Variants in ELP4 observed in about 807,000 individuals in gnomAD.
ELP4 encodes elongator acetyltransferase complex subunit 4.
A neutral mutation model predicts 48.9 loss-of-function variants in ELP4; 51 were observed. That is an observed-to-expected ratio of 1.04 (90% confidence interval 0.83 to 1.32). The LOEUF (loss-of-function observed/expected upper bound fraction) is 1.32, where lower values mean the gene tolerates loss of function less well. ELP4 is among the 40% of genes most tolerant of loss of function. The pLI is 0.00. For synonymous variants in ELP4, 210 were observed against 189.2 expected, an observed-to-expected ratio of 1.11 and a Z score of -0.90; for missense variants, 519 against 514.6, an observed-to-expected ratio of 1.01 and a Z score of -0.08.
At chr11:31,670,208 A>C (rs1490713210) in intron 9 of ELP4, among the ~76,000 whole-genome samples, 2 of 152,164 alleles carry the variant, frequency 1.3e-5, no homozygotes, top group African/African-American at 4.8e-5. Context: ...GTAGTGATTC[A>C]GTATGGATAC....
At chr11:31,687,097 T>A (rs1371970992) in intron 9 of ELP4, among the ~76,000 whole-genome samples, 2 of 152,098 alleles carry the variant, frequency 1.3e-5, no homozygotes, top group African/African-American at 4.8e-5. Context: ...CCCAAATATC[T>A]GATTTGGGTG....
intron 9 of ELP4, among the ~76,000 whole-genome samples, chr11:31,736,036 T>G (rs1465019151): frequency 2.0e-5 from 3 of 152,148 alleles, no homozygotes; most frequent in East Asian, 1.9e-4. Context: ...TAAGCCAAAA[T>G]AGCAAAGCTG....
chr11:31,625,835 T>C (rs530012271), intron 5 of ELP4, among the ~76,000 whole-genome samples: 1 of 151,908 alleles, frequency 6.6e-6, no homozygotes, highest in East Asian at 1.9e-4. Context: ...TGTTAAGATA[T>C]GAAATAGTCA....
At position 31,659,436 on chromosome 11, in the gene ELP4, T is replaced by C. The variant is rs553957595; in HGVS notation, c.1143+9215T>C. Among the ~76,000 whole-genome samples the C allele has an allele frequency of 2.6e-5, 4 of 152,268 alleles. No individual in the cohort carries two copies. The East Asian group carries it at 7.8e-4, about 30-fold the overall frequency. ...GAAGGGTTTAATGAAACTGAGTATT[T>C]GGCTTCAATTTTTTGTCAGAATGTC... On this transcript the variant is annotated intron_variant, in intron 9 of 9. Coordinates refer to ENST00000640961, the MANE Select transcript of ELP4 (RefSeq NM_019040.5).
chr11:31,749,282 T>C (rs1267239642), intron 9 of ELP4, among the ~76,000 whole-genome samples: 1 of 152,068 alleles, frequency 6.6e-6, no homozygotes, highest in East Asian at 1.9e-4. Flanking sequence ...TAAGTGTGAG[T>C]TTATGAAAGC....
At chr11:31,605,340 T>C (rs1318660353) in intron 5 of ELP4, among the ~76,000 whole-genome samples, 1 of 152,014 alleles carries the variant, frequency 6.6e-6, no homozygotes, top group Non-Finnish European at 1.5e-5. Flanking sequence ...TTTTGTTAAG[T>C]TTGAGTGATT....
chr11:31,565,107 T>A (rs1565056142), intron 3 of ELP4, among the ~76,000 whole-genome samples: 2 of 152,208 alleles, frequency 1.3e-5, no homozygotes, highest in African/African-American at 2.4e-5. Flanking sequence ...TGGTTTTGAT[T>A]TGCATTTCTC....
intron 9 of ELP4, among the ~76,000 whole-genome samples, chr11:31,764,198 A>T (rs1565145710): frequency 6.6e-6 from 1 of 152,178 alleles, no homozygotes; most frequent in Non-Finnish European, 1.5e-5. Context: ...AGGTGGACAA[A>T]CACAATTAAA....
intron 9 of ELP4, among the ~76,000 whole-genome samples, chr11:31,725,024 G>T (rs1368866670): frequency 1.3e-5 from 2 of 152,174 alleles, no homozygotes; most frequent in Non-Finnish European, 2.9e-5. Flanking sequence ...TGCAAGACCT[G>T]GTTCCTCCAA....
At position 31,768,862 on chromosome 11, in the gene ELP4, G is replaced by T. The variant is rs547904025; in HGVS notation, c.1144-14531G>T. On this transcript the variant is annotated intron_variant, in intron 9 of 9. Transcript: ENST00000640961. ...GTTATAGAAGCAGCCCTATCTGGGG[G>T]TGTGGGGGTAGGGAGGGACGAAAGA... 8.9e-4 allele frequency among the ~76,000 whole-genome samples: 135 copies of T among 152,290 alleles called. 1 individual carries two copies. Among genetic ancestry groups the T allele is most frequent in the South Asian group, 6.8e-3 (33 of 4,822 alleles).
intron 9 of ELP4, among the ~76,000 whole-genome samples, chr11:31,722,496 AG>A (rs1373344832): frequency 6.6e-6 from 1 of 152,222 alleles, no homozygotes; most frequent in East Asian, 1.9e-4. Context: ...GCCTAGTAAA[AG>A]TTGTAAAACC....
At chr11:31,531,297 A>G (rs1956392059) in intron 2 of ELP4, among the ~76,000 whole-genome samples, 1 of 152,206 alleles carries the variant, frequency 6.6e-6, no homozygotes, top group Non-Finnish European at 1.5e-5. Flanking sequence ...TTTTCCTCTA[A>G]TTAATTCTAC....
At chr11:31,523,615 T>A (rs951588520) in intron 2 of ELP4, among the ~76,000 whole-genome samples, 2 of 151,952 alleles carry the variant, frequency 1.3e-5, no homozygotes, top group Non-Finnish European at 2.9e-5. Flanking sequence ...GCAAAATAAA[T>A]ACATGTGAAC....
chr11:31,513,061 C>A (rs959786106), intron 1 of ELP4, among the ~76,000 whole-genome samples: 2 of 151,828 alleles, frequency 1.3e-5, no homozygotes, highest in African/African-American at 4.8e-5. Context: ...ACATTGATGT[C>A]AAAAAGTAAA....
chr11:31,638,465 T>C (rs1388907775), intron 7 of ELP4, among the ~76,000 whole-genome samples: 1 of 151,854 alleles, frequency 6.6e-6, no homozygotes, highest in Non-Finnish European at 1.5e-5. Context: ...ATTTGATCTG[T>C]AGAATTTTTT....
intron 9 of ELP4, among the ~76,000 whole-genome samples, chr11:31,739,492 ACTT>A (rs546714613): frequency 1.5e-3 from 230 of 152,290 alleles, no homozygotes; most frequent in African/African-American, 5.4e-3. Context: ...ATTTCAGAAT[ACTT>A]CTTCCAGTGT....
chr11:31,544,661 C>A (rs530739684), intron 3 of ELP4, among the ~76,000 whole-genome samples: 1 of 152,220 alleles, frequency 6.6e-6, no homozygotes, highest in African/African-American at 2.4e-5. Flanking sequence ...GTTCTCCCAG[C>A]GCGCAGCTGG....
chr11:31,586,636 G>A (rs1328100902), intron 3 of ELP4, among the ~76,000 whole-genome samples: 1 of 151,298 alleles, frequency 6.6e-6, no homozygotes, highest in Non-Finnish European at 1.5e-5. Flanking sequence ...AATTTTGTAT[G>A]TTTTTTGGTT....
Position 31,788,836 on chromosome 11 carries a change from A to T in ELP4, c.*5312A>T, listed in dbSNP as rs2134345114. On this transcript the variant is annotated 3_prime_UTR_variant, in exon 10 of 10. Coordinates refer to ENST00000640961, the MANE Select transcript of ELP4 (RefSeq NM_019040.5). ...TTTAAGGATCATCAGGATGTAAAAC[A>T]GAGTGTGTGTGAAAGTAACCATTGG... 1 of 205,294 alleles carries T rather than the reference A, an allele frequency of 4.9e-6. No homozygotes were observed. The highest frequency in any genetic ancestry group is 1.0e-5 in the Non-Finnish European group (1 of 99,900). The allele number at this position is 205,294 out of a possible 1,614,324, so 12.7% of individuals were successfully genotyped here. A position where few individuals can be genotyped will look rare whatever the true frequency, so the allele number is the denominator to read the frequency against.
Sources: allele counts gnomAD v4.1 joint callset (sites outside exome capture counted in the v4.1 genomes callset), GRCh38; gene constraint gnomAD v4.1.1; transcripts MANE v1.5; gene names NCBI Gene and HGNC (gene_info 2026-07-23, HGNC 2026-07-21).